The following XPO7 variants were observed in gnomAD, a reference collection of about 807,000 sequenced individuals.
XPO7 encodes the protein exportin-7.
Under a neutral mutation model 144.3 loss-of-function variants are expected in XPO7, and 21 were observed. The observed-to-expected ratio is 0.15, with a 90% CI of 0.10 to 0.21. The LOEUF (loss-of-function observed/expected upper bound fraction) is 0.21. Among genes scored for constraint, XPO7 ranks in the 10% least tolerant of loss-of-function variants. The pLI is 1.00. For synonymous variants in XPO7, 580 were observed against 499.6 expected, an observed-to-expected ratio of 1.16 and a Z score of -2.15; for missense variants, 808 against 1,325.8, an observed-to-expected ratio of 0.61 and a Z score of 6.06.
chr8:21,971,834 C>G, intron 4 of XPO7, 42 bp from the exon 5 acceptor site: 1 of 1,557,246 alleles, frequency 6.4e-7, no homozygotes. Context: ...CAAAACCAAG[C>G]ACACATGACA....
intron 1 of XPO7, among the ~76,000 whole-genome samples, chr8:21,930,433 A>G (rs975708439): frequency 2.0e-5 from 3 of 152,200 alleles, no homozygotes; most frequent in Non-Finnish European, 2.9e-5. Flanking sequence ...GGACACATCT[A>G]TGCATAGAAC....
At chr8:21,961,425 A>G (rs2117312755) in intron 1 of XPO7, among the ~76,000 whole-genome samples, 1 of 152,098 alleles carries the variant, frequency 6.6e-6, no homozygotes, top group South Asian at 2.1e-4. Flanking sequence ...TATATTGCTC[A>G]GGCTGGTTCT....
intron 16 of XPO7, 30 bp from the exon 17 acceptor site, chr8:21,990,314 C>T: frequency 1.2e-6 from 2 of 1,610,852 alleles, no homozygotes; most frequent in Non-Finnish European, 1.7e-6. Flanking sequence ...CTGCTTCACA[C>T]TTTCCTTGAC....
chr8:21,980,977 A>G (rs953468523), intron 9 of XPO7, among the ~76,000 whole-genome samples: 11 of 144,868 alleles, frequency 7.6e-5, no homozygotes, highest in African/African-American at 2.7e-4. Context: ...TCACTTCTCT[A>G]TACTAGAAGA....
At chr8:21,951,733 C>T (rs1811380025) in intron 1 of XPO7, among the ~76,000 whole-genome samples, 1 of 152,218 alleles carries the variant, frequency 6.6e-6, no homozygotes, top group South Asian at 2.1e-4. Flanking sequence ...TTGTTATTGT[C>T]TCCCAACTAT....
chr8:21,927,399 A>C (rs1233357472), intron 1 of XPO7, among the ~76,000 whole-genome samples: 1 of 152,078 alleles, frequency 6.6e-6, no homozygotes, highest in Non-Finnish European at 1.5e-5. Context: ...AAGAAGTTTT[A>C]ATTTCACAGA....
chr8:21,926,977 C>T (rs953972279), intron 1 of XPO7, among the ~76,000 whole-genome samples: 1 of 152,126 alleles, frequency 6.6e-6, no homozygotes, highest in Admixed American at 6.5e-5. Flanking sequence ...CCTTGTTTTC[C>T]TTAGTCTTAA....
intron 4 of XPO7, 66 bp downstream of exon 4, chr8:21,970,376 A>G (rs1812017038): frequency 5.1e-6 from 7 of 1,366,768 alleles, no homozygotes; most frequent in Non-Finnish European, 7.0e-6. Context: ...ATAAACACAC[A>G]CACACACACA....
At chr8:21,956,468 C>T (rs114775269) in intron 1 of XPO7, among the ~76,000 whole-genome samples, 1 of 152,294 alleles carries the variant, frequency 6.6e-6, no homozygotes, top group African/African-American at 2.4e-5. Flanking sequence ...TTTTTCAGTT[C>T]TAGGAAGTTA....
intron 7 of XPO7, among the ~76,000 whole-genome samples, chr8:21,977,408 G>C (rs1038401861): frequency 1.3e-5 from 2 of 152,068 alleles, no homozygotes; most frequent in African/African-American, 2.4e-5. Context: ...GTGAAACCCC[G>C]TCTCTACTAA....
chr8:21,952,218 T>A (rs1418207827), intron 1 of XPO7, among the ~76,000 whole-genome samples: 1 of 152,216 alleles, frequency 6.6e-6, no homozygotes, highest in Admixed American at 6.5e-5. Context: ...TGCTGCACAC[T>A]GACTTTTTTG....
chr8:21,998,646 C>A, intron 21 of XPO7, 109 bp from the exon 22 acceptor site: 1 of 830,262 alleles, frequency 1.2e-6, no homozygotes, highest in Non-Finnish European at 1.9e-6. Flanking sequence ...CAATTGCTTA[C>A]CTTAATGTAA....
chr8:21,982,500 C>T (rs2117360201), intron 10 of XPO7, 140 bp from the exon 11 acceptor site: 1 of 919,934 alleles, frequency 1.1e-6, no homozygotes, highest in Non-Finnish European at 1.6e-6. Flanking sequence ...AACTAGATGC[C>T]ATACACAGAA....
intron 1 of XPO7, among the ~76,000 whole-genome samples, chr8:21,962,684 T>G (rs1005626572): frequency 2.0e-5 from 3 of 152,210 alleles, no homozygotes; most frequent in African/African-American, 7.2e-5. Flanking sequence ...CAGAGACAAT[T>G]AAGTTTGGTT....
intron 24 of XPO7, 141 bp downstream of exon 24, chr8:21,999,815 C>T: frequency 1.9e-6 from 2 of 1,077,568 alleles, no homozygotes; most frequent in South Asian, 3.1e-5. Context: ...GTATATAATG[C>T]ACAGCACATG....
rs1812415610 is a variant in XPO7 at position 21,981,664 on chromosome 8, T to C, written c.958-67T>C. ...ACCCCTTCCCCCATGCCATCTCAAGTATACATCATTCTTGAAGTATGTTAA... is the reference window on the plus strand; with the variant it reads ...ACCCCTTCCCCCATGCCATCTCAAGCATACATCATTCTTGAAGTATGTTAA... On this transcript the variant is annotated intron_variant, in intron 9 of 27. Transcript: ENST00000252512. 2.5e-6 allele frequency: 4 copies of C among 1,573,544 alleles called. No individual in the cohort carries two copies. The East Asian group carries it at 9.0e-5, about 35-fold the overall frequency.
intron 1 of XPO7, among the ~76,000 whole-genome samples, chr8:21,920,237 C>T (rs574157597): frequency 4.6e-5 from 7 of 151,754 alleles, no homozygotes; most frequent in Admixed American, 2.0e-4. Context: ...CGCTGATAAA[C>T]CTCGCTCTCC....
rs758139610 is a variant in XPO7 at position 21,976,346 on chromosome 8, A to G, written c.598-10A>G. 6.2e-6 allele frequency: 10 copies of G among 1,611,810 alleles called. No individual in the cohort carries two copies. The Admixed American group carries it at 6.7e-5, about 11-fold the overall frequency. On this transcript the variant is annotated splice_polypyrimidine_tract_variant and intron_variant, in intron 6 of 27. Transcript: ENST00000252512. ...GATTTTGGGGACTCATTATGTGGTA[A>G]TTTTTACAGGCTTCAGGAAAGAATC...
At position 21,975,575 on chromosome 8, in the gene XPO7, C is replaced by T. The variant is rs372187077; in HGVS notation, c.598-781C>T. 2.8e-3 allele frequency among the ~76,000 whole-genome samples: 420 copies of T among 152,348 alleles called. 2 individuals carry two copies. Among genetic ancestry groups the T allele is most frequent in the South Asian group, 0.026 (127 of 4,832 alleles). The stretch of plus-strand genomic sequence containing the variant: ...TTTTGGAAGCCAGTTTGTATTCTTT[C>T]TGTTATTCCAGTTAACGATATTCAT... On this transcript the variant is annotated intron_variant, in intron 6 of 27. Coordinates refer to ENST00000252512, the MANE Select transcript of XPO7 (RefSeq NM_015024.5).
Sources: allele counts gnomAD v4.1 joint callset (sites outside exome capture counted in the v4.1 genomes callset), GRCh38; gene constraint gnomAD v4.1.1; transcripts MANE v1.5; gene names NCBI Gene and HGNC (gene_info 2026-07-23, HGNC 2026-07-21).